The following DOCK11 variants were observed in gnomAD, a reference collection of about 807,000 sequenced individuals.
DOCK11 encodes dedicator of cytokinesis protein 11.
DOCK11 carries 70 observed loss-of-function variants against 169.1 expected under a neutral mutation model. That is an observed-to-expected ratio of 0.41 (90% confidence interval 0.34 to 0.51). The LOEUF is 0.51. Ranked by LOEUF, DOCK11 falls within the 20% of genes least tolerant of loss-of-function variation. The pLI is 0.10. For synonymous variants in DOCK11, 529 were observed against 541.3 expected, an observed-to-expected ratio of 0.98 and a Z score of 0.32; for missense variants, 1,166 against 1,538.8, an observed-to-expected ratio of 0.76 and a Z score of 4.05.
intron 6 of DOCK11, among the ~76,000 whole-genome samples, chrX:118,549,346 T>G (rs1484049954): frequency 9.2e-6 from 1 of 108,878 alleles, no homozygotes; most frequent in Non-Finnish European, 1.9e-5. Context: ...GGTCTCACCA[T>G]GTGGCCAGGC....
intron 40 of DOCK11, 106 bp downstream of exon 40, chrX:118,643,700 A>G: frequency 1.1e-6 from 1 of 916,716 alleles, no homozygotes; most frequent in East Asian, 3.2e-5. Context: ...CAGCTCATGA[A>G]GCCATTAAGT....
intron 6 of DOCK11, among the ~76,000 whole-genome samples, chrX:118,556,463 A>T (rs1252710567): frequency 1.8e-5 from 2 of 108,844 alleles, no homozygotes; most frequent in Non-Finnish European, 3.8e-5. Context: ...AAAGGTTGTC[A>T]TCTGGCCAGG....
At chrX:118,509,454 G>T (rs1487102024) in intron 1 of DOCK11, among the ~76,000 whole-genome samples, 1 of 111,206 alleles carries the variant, frequency 9.0e-6, no homozygotes, top group African/African-American at 3.3e-5. Context: ...AGTAGAGACG[G>T]GGTTTTACCA....
chrX:118,527,443 G>C (rs1417507791), intron 1 of DOCK11, among the ~76,000 whole-genome samples: 3 of 111,992 alleles, frequency 2.7e-5, no homozygotes, highest in Admixed American at 1.9e-4. Flanking sequence ...GGAAATCAAA[G>C]AGGTTTTTGA....
intron 39 of DOCK11, among the ~76,000 whole-genome samples, chrX:118,642,220 C>A (rs1317268799): frequency 8.9e-6 from 1 of 111,918 alleles, no homozygotes; most frequent in Non-Finnish European, 1.9e-5. Flanking sequence ...TATTCTGATA[C>A]CTCTAATTTA....
At chrX:118,554,948 C>T (rs979591521) in intron 6 of DOCK11, among the ~76,000 whole-genome samples, 1 of 111,829 alleles carries the variant, frequency 8.9e-6, no homozygotes, top group Non-Finnish European at 1.9e-5. Context: ...GCACAAAGCA[C>T]CCCACAGATG....
Position 118,614,682 on chromosome X carries a change from G to T in DOCK11, c.3097-10G>T. On this transcript the variant is annotated splice_polypyrimidine_tract_variant and intron_variant, in intron 28 of 52. Coordinates refer to ENST00000276202, the MANE Select transcript of DOCK11 (RefSeq NM_144658.4). The stretch of plus-strand genomic sequence containing the variant: ...GTAATTAACCCTTAGTTTTGTTTTG[G>T]TTTCTATAGCGCTGTTTGACACTAA... 1.8e-6 allele frequency: 2 copies of T among 1,136,387 alleles called. No homozygotes were observed. Among genetic ancestry groups the T allele is most frequent in the Non-Finnish European group, 2.4e-6 (2 of 838,031 alleles). 93.7% of individuals were successfully genotyped at this position (1,136,387 alleles called of 1,213,427 possible). A position where few individuals can be genotyped will look rare whatever the true frequency, so the allele number is the denominator to read the frequency against.
At chrX:118,615,776 G>A (rs1227432589) in intron 30 of DOCK11, 65 bp downstream of exon 30, 5 of 861,782 alleles carry the variant, frequency 5.8e-6, no homozygotes, top group Non-Finnish European at 6.7e-6. Context: ...CGCTAGTGTA[G>A]TATAATGTTT....
At chrX:118,594,674 CT>C (rs1418123597) in intron 20 of DOCK11, among the ~76,000 whole-genome samples, 1 of 111,001 alleles carries the variant, frequency 9.0e-6, no homozygotes, top group Non-Finnish European at 1.9e-5. Context: ...GAAATGAGTC[CT>C]GCGTAAACAA....
intron 46 of DOCK11, among the ~76,000 whole-genome samples, chrX:118,672,869 T>C (rs1273778065): frequency 8.9e-6 from 1 of 112,636 alleles, no homozygotes; most frequent in Non-Finnish European, 1.9e-5. Context: ...TCAAATTCAC[T>C]TTTTCTTCCC....
At chrX:118,514,522 C>T (rs1392382931) in intron 1 of DOCK11, among the ~76,000 whole-genome samples, 3 of 111,231 alleles carry the variant, frequency 2.7e-5, no homozygotes, top group Admixed American at 1.9e-4. Flanking sequence ...ACTCTGTCTG[C>T]ACTGGCTTCA....
chrX:118,500,481 C>G (rs747344204), intron 1 of DOCK11, among the ~76,000 whole-genome samples: 1 of 111,768 alleles, frequency 8.9e-6, no homozygotes, highest in South Asian at 3.7e-4. Context: ...ATTTACCTTT[C>G]TCTCTTTCTA....
At chrX:118,538,943 G>A (rs957616714) in intron 1 of DOCK11, among the ~76,000 whole-genome samples, 2 of 111,874 alleles carry the variant, frequency 1.8e-5, no homozygotes, top group Non-Finnish European at 3.8e-5. Flanking sequence ...AGGTCAAAAG[G>A]TTTTCTTTGT....
intron 38 of DOCK11, 79 bp from the exon 39 acceptor site, chrX:118,641,111 T>G (rs1423163372): frequency 1.3e-6 from 1 of 760,217 alleles, no homozygotes. Context: ...TTGTCTTAAG[T>G]CTTTGGGTAG....
At chrX:118,627,611 G>T in intron 33 of DOCK11, 32 bp downstream of exon 33, 1 of 1,068,591 alleles carries the variant, frequency 9.4e-7, no homozygotes, top group Non-Finnish European at 1.3e-6. Flanking sequence ...GATACATTGC[G>T]TGGGTGTTTA....
intron 1 of DOCK11, chrX:118,538,622 T>C: frequency 3.0e-6 from 2 of 664,210 alleles, no homozygotes; most frequent in South Asian, 1.5e-4. Context: ...TCTCTCCAGA[T>C]TGCATAAATG....
intron 1 of DOCK11, among the ~76,000 whole-genome samples, chrX:118,502,976 A>G (rs966347273): frequency 9.1e-6 from 1 of 110,211 alleles, no homozygotes; most frequent in Non-Finnish European, 1.9e-5. Context: ...TACACTGCCA[A>G]CCTTGGGTAG....
At chrX:118,627,964 A>T (rs2015148836) in intron 33 of DOCK11, among the ~76,000 whole-genome samples, 199 bp from the exon 34 acceptor site, 1 of 112,252 alleles carries the variant, frequency 8.9e-6, no homozygotes, top group Non-Finnish European at 1.9e-5. Flanking sequence ...TGTACATGCT[A>T]AAGTGTTTTG....
rs955654923 is a variant in DOCK11, at chrX:118,636,907, T to C, written c.3953+495T>C. 8.9e-5 allele frequency among the ~76,000 whole-genome samples: 10 copies of C among 112,125 alleles called. No individual in the cohort carries two copies. In the South Asian group the frequency reaches 3.3e-3, roughly 37 times the overall value. ...CCAAGACTCTTGGGGGGAAACCTAGTCTGGACATGGGAAGTTGTCCTATAT... is the reference window on the plus strand; with the variant it reads ...CCAAGACTCTTGGGGGGAAACCTAGCCTGGACATGGGAAGTTGTCCTATAT... On this transcript the variant is annotated intron_variant, in intron 36 of 52. Transcript: ENST00000276202.
Sources: gnomAD v4.1 joint callset for allele counts (sites outside exome capture counted in the v4.1 genomes callset) on GRCh38, gnomAD v4.1.1 for gene constraint, MANE v1.5 for transcripts, NCBI Gene and HGNC (gene_info 2026-07-23, HGNC 2026-07-21) for gene names.